RAP1GAP2: variants seen among roughly 807,000 people sequenced by gnomAD.
RAP1GAP2 encodes rap1 GTPase-activating protein 2.
A neutral mutation model predicts 95.0 loss-of-function variants in RAP1GAP2; 27 were observed. The ratio of observed to expected loss-of-function variants is 0.28; its 90% CI spans 0.21 to 0.39. RAP1GAP2 has a LOEUF of 0.39. Among genes scored for constraint, RAP1GAP2 ranks in the 10% least tolerant of loss-of-function variants. The probability of loss-of-function intolerance (pLI) is 1.00; values close to 1 mark genes in which losing one functional copy is unlikely to be tolerated. For missense variants in RAP1GAP2, 771 were observed against 970.0 expected, an observed-to-expected ratio of 0.79 and a Z score of 2.72; for synonymous variants, 373 against 380.9, an observed-to-expected ratio of 0.98 and a Z score of 0.24.
intron 2 of RAP1GAP2, among the ~76,000 whole-genome samples, chr17:2,887,098 TCTCG>T (rs1424085667): frequency 1.3e-5 from 2 of 152,090 alleles, no homozygotes; most frequent in African/African-American, 4.8e-5. Flanking sequence ...GGAGACAGGA[TCTCG>T]CTCTGTTGCT....
intron 8 of RAP1GAP2, among the ~76,000 whole-genome samples, chr17:2,972,356 A>G (rs4547368): frequency 0.2 from 14,562 of 73,592 alleles, 2,044 homozygotes; most frequent in African/African-American, 0.44. Flanking sequence ...TGGGCTGGGC[A>G]CGGTGGCTCA....
chr17:2,922,459 G>A (rs974174347), intron 3 of RAP1GAP2, among the ~76,000 whole-genome samples: 1 of 152,178 alleles, frequency 6.6e-6, no homozygotes, highest in African/African-American at 2.4e-5. Flanking sequence ...ACGGGGTCAG[G>A]GCTGCCCTCT....
intron 13 of RAP1GAP2, among the ~76,000 whole-genome samples, chr17:2,996,022 C>T (rs748300803): frequency 1.1e-4 from 17 of 151,472 alleles, no homozygotes; most frequent in African/African-American, 1.9e-4. Flanking sequence ...AGGGTTCATA[C>T]GATGCCCAAT....
intron 2 of RAP1GAP2, among the ~76,000 whole-genome samples, chr17:2,816,242 T>G (rs1369943754): frequency 6.6e-6 from 1 of 151,406 alleles, no homozygotes; most frequent in African/African-American, 2.4e-5. Flanking sequence ...TTTTGTTTTT[T>G]TTTTTTCTTA....
At chr17:2,810,464 A>T (rs1215991252) in intron 2 of RAP1GAP2, among the ~76,000 whole-genome samples, 1 of 147,326 alleles carries the variant, frequency 6.8e-6, no homozygotes, top group Admixed American at 6.8e-5. Context: ...GCACCCATTA[A>T]CTCGTCATTT....
chr17:2,909,655 AG>A (rs2042308230), intron 3 of RAP1GAP2, among the ~76,000 whole-genome samples: 1 of 152,218 alleles, frequency 6.6e-6, no homozygotes, highest in African/African-American at 2.4e-5. Flanking sequence ...GAGCAGCCTC[AG>A]GGAAAGCTCA....
intron 24 of RAP1GAP2, 91 bp downstream of exon 24, chr17:3,032,540 G>C: frequency 7.7e-7 from 1 of 1,300,234 alleles, no homozygotes; most frequent in Non-Finnish European, 1.1e-6. Flanking sequence ...CCTCAGAATG[G>C]CCGGAGAGAT....
chr17:2,864,680 G>A (rs757903175), intron 2 of RAP1GAP2, among the ~76,000 whole-genome samples: 16 of 152,306 alleles, frequency 1.1e-4, no homozygotes, highest in Middle Eastern at 6.8e-3. Context: ...AGTCCTGTGC[G>A]TCCTTTGGGA....
In RAP1GAP2 at chr17:2,797,857, G is replaced by A. The variant is rs763851153; in HGVS notation, c.44+1286G>A. On this transcript the variant is annotated intron_variant, in intron 1 of 24. Coordinates refer to ENST00000254695, the MANE Select transcript of RAP1GAP2 (RefSeq NM_015085.5). The surrounding 1 kb of genome is among the most constrained non-coding windows in gnomAD (Gnocchi z 5.6). Reference sequence around the variant, plus strand: ...AGGGGTGTGTGTGTCTTGGCTGTGGGCCTTGCAGGGCAGGGCCCAGCAATT... The same window carrying A: ...AGGGGTGTGTGTGTCTTGGCTGTGGACCTTGCAGGGCAGGGCCCAGCAATT... The A allele has an allele frequency of 1.6e-5, 14 of 890,026 alleles. No homozygotes were observed. The highest frequency in any genetic ancestry group is 1.9e-5 in the Non-Finnish European group (14 of 743,254). 55.1% of individuals were successfully genotyped at this position (890,026 alleles called of 1,614,324 possible). A position where few individuals can be genotyped will look rare whatever the true frequency, so the allele number is the denominator to read the frequency against.
At chr17:3,023,903 G>A (rs140297444) in intron 19 of RAP1GAP2, among the ~76,000 whole-genome samples, 5 of 152,208 alleles carry the variant, frequency 3.3e-5, no homozygotes, top group African/African-American at 9.6e-5. Context: ...AGAACATGTG[G>A]TGTTTGGTTT....
chr17:2,771,107 CA>C (rs910542143), intron 2 of RAP1GAP2, among the ~76,000 whole-genome samples: 1 of 152,082 alleles, frequency 6.6e-6, no homozygotes, highest in Non-Finnish European at 1.5e-5. Flanking sequence ...CCCAACAAAA[CA>C]AAACAAAAGA....
chr17:2,921,868 C>T (rs2042793506), intron 3 of RAP1GAP2, among the ~76,000 whole-genome samples: 1 of 152,194 alleles, frequency 6.6e-6, no homozygotes, highest in Admixed American at 6.5e-5. Flanking sequence ...TGCTCTCTTC[C>T]TCCGTCTTCT....
chr17:2,979,522 A>G (rs1805840238), intron 8 of RAP1GAP2, among the ~76,000 whole-genome samples: 1 of 130,736 alleles, frequency 7.6e-6, no homozygotes, highest in Non-Finnish European at 1.5e-5. Flanking sequence ...GCTGAAGTGC[A>G]GTGGCACAAT....
At chr17:2,806,388 A>ATTATTG (rs897767366) in intron 2 of RAP1GAP2, among the ~76,000 whole-genome samples, 3 of 147,528 alleles carry the variant, frequency 2.0e-5, no homozygotes, top group African/African-American at 7.5e-5. Flanking sequence ...TATTATTATT[A>ATTATTG]TTATTATTAT....
In RAP1GAP2 at chr17:2,905,966, C is replaced by T. The variant is rs116543501; in HGVS notation, c.165+598C>T. On this transcript the variant is annotated intron_variant, in intron 3 of 24. Coordinates refer to ENST00000254695, the MANE Select transcript of RAP1GAP2 (RefSeq NM_015085.5). ...AGCAGTGCCCTTCTGCCACCATGACCTTCCCCCATCACTTTTCAGTCCGAC... is the reference window on the plus strand; with the variant it reads ...AGCAGTGCCCTTCTGCCACCATGACTTTCCCCCATCACTTTTCAGTCCGAC... 7.1e-3 allele frequency among the ~76,000 whole-genome samples: 1,076 copies of T among 152,358 alleles called. 11 individuals carry two copies. Among genetic ancestry groups the T allele is most frequent in the African/African-American group, 0.025 (1,038 of 41,582 alleles).
chr17:2,953,835 G>A (rs1232129731), intron 3 of RAP1GAP2, among the ~76,000 whole-genome samples: 5 of 152,024 alleles, frequency 3.3e-5, no homozygotes, highest in Admixed American at 2.0e-4. Context: ...TGAAAAGAGC[G>A]AAACTCCATT....
chr17:2,819,795 CTTTTT>C (rs539808008), intron 2 of RAP1GAP2, among the ~76,000 whole-genome samples: 3 of 138,214 alleles, frequency 2.2e-5, no homozygotes, highest in Non-Finnish European at 1.6e-5. Context: ...TCTCTTTCTC[CTTTTT>C]TTTTTTTTTT....
At chr17:2,980,881 C>T (rs2045331937) in intron 9 of RAP1GAP2, among the ~76,000 whole-genome samples, 1 of 152,158 alleles carries the variant, frequency 6.6e-6, no homozygotes, top group Non-Finnish European at 1.5e-5. Context: ...ACTCTGGGAG[C>T]AGGAATGTCA....
At chr17:2,919,796 G>A (rs547785487) in intron 3 of RAP1GAP2, among the ~76,000 whole-genome samples, 21 of 152,126 alleles carry the variant, frequency 1.4e-4, no homozygotes, top group Middle Eastern at 3.4e-3. Flanking sequence ...TCTGCCTCCC[G>A]GGTTCAAGCA....
Sources: gnomAD v4.1 joint callset for allele counts (sites outside exome capture counted in the v4.1 genomes callset) on GRCh38, gnomAD v4.1.1 for gene constraint, Gnocchi (gnomAD v3.1) non-coding constraint, MANE v1.5 for transcripts, NCBI Gene and HGNC (gene_info 2026-07-23, HGNC 2026-07-21) for gene names.